The following MYO9A variants were observed in gnomAD, a reference collection of about 807,000 sequenced individuals.
The protein encoded by MYO9A is myosin IXA, also known as unconventional myosin-IXa.
A neutral mutation model predicts 293.3 loss-of-function variants in MYO9A; 103 were observed. The observed-to-expected ratio is 0.35, with a 90% CI of 0.30 to 0.41. The LOEUF (loss-of-function observed/expected upper bound fraction) is 0.41. Ranked by LOEUF, MYO9A falls within the 10% of genes least tolerant of loss-of-function variation. The probability of loss-of-function intolerance (pLI) is 1.00; values close to 1 mark genes in which losing one functional copy is unlikely to be tolerated. For synonymous variants in MYO9A, 1,001 were observed against 1,035.7 expected, an observed-to-expected ratio of 0.97 and a Z score of 0.64; for missense variants, 2,685 against 3,033.0, an observed-to-expected ratio of 0.89 and a Z score of 2.69.
intron 40 of MYO9A, among the ~76,000 whole-genome samples, chr15:71,829,522 G>T (rs1218482196): frequency 6.6e-6 from 1 of 151,158 alleles, no homozygotes; most frequent in Non-Finnish European, 1.5e-5. Context: ...CTTCTCATTT[G>T]TCTCTCTCCT....
chr15:71,851,175 A>G (rs1296535190), intron 37 of MYO9A, 78 bp downstream of exon 37: 1 of 1,147,094 alleles, frequency 8.7e-7, no homozygotes, highest in Non-Finnish European at 1.3e-6. Flanking sequence ...TCAGTCTTCC[A>G]AATGGAGAAA....
chr15:71,922,242 G>A (rs552753158), intron 18 of MYO9A, among the ~76,000 whole-genome samples: 10 of 152,330 alleles, frequency 6.6e-5, no homozygotes, highest in South Asian at 2.1e-4. Flanking sequence ...GCCTCCCACA[G>A]TGCTGGGATT....
chr15:71,850,162 G>A lies in MYO9A; in HGVS notation c.6587C>T (p.Ala2196Val). 6 of 1,613,936 alleles carry A rather than the reference G, an allele frequency of 3.7e-6. No homozygotes were observed. The highest frequency in any genetic ancestry group is 4.2e-6 in the Non-Finnish European group (5 of 1,179,896). Residue 2196 changes from alanine to valine, a missense_variant, in exon 38 of 42, where the codon GCT becomes GTT. Ala to Val is a moderately conservative substitution (Grantham distance 64, BLOSUM62 0). Around this residue, in one of 10 missense-constraint regions of MYO9A, gnomAD observed 238 missense variants for 269.1 expected, o/e 0.88. Coordinates refer to ENST00000356056, the MANE Select transcript of MYO9A (RefSeq NM_006901.4). ...CATTCGATTAGTGTCTTCCTGCAGA[G>A]CAATCCTAAGAATTAAAACAAAACA... ...ERLIFHLVRI[A>V]LQEDTNRMSA...
chr15:72,103,629 A>G (rs2080468357), intron 1 of MYO9A, among the ~76,000 whole-genome samples: 1 of 44,282 alleles, frequency 2.3e-5, no homozygotes, highest in Admixed American at 3.4e-4. Flanking sequence ...GAAGAAGCAG[A>G]AGAAGAAACA....
chr15:71,899,958 C>A lies in MYO9A; in HGVS notation c.3199G>T (p.Val1067Leu). The change falls in exon 24 of 42, where the codon GTG becomes TTG. Residue 1067 changes from valine to leucine, a missense_variant. Coordinates refer to ENST00000356056, the MANE Select transcript of MYO9A (RefSeq NM_006901.4). ...LNQKQVRDAA[V>L]QKDAFVMASA... The stretch of plus-strand genomic sequence containing the variant: ...GCCATAACAAAAGCATCCTTCTGCA[C>A]AGCTGCATCTCTGACTTGCTTCTGA... 1 of 1,613,680 alleles carries A rather than the reference C, an allele frequency of 6.2e-7. No individual in the cohort carries two copies. The highest frequency in any genetic ancestry group is 8.5e-7 in the Non-Finnish European group (1 of 1,179,664).
chr15:71,930,506 G>A (rs1423997704), intron 18 of MYO9A, among the ~76,000 whole-genome samples: 3 of 149,256 alleles, frequency 2.0e-5, no homozygotes, highest in Non-Finnish European at 3.0e-5. Context: ...CTGTTATAAG[G>A]ATAACTACTG....
rs772692095 is a variant in MYO9A at position 71,826,828 on chromosome 15, C to T, written c.7399G>A (p.Glu2467Lys). Reference protein sequence around the residue: ...SPFYRAASGNEALGMEGPLGQ... With the variant: ...SPFYRAASGNKALGMEGPLGQ... The stretch of plus-strand genomic sequence containing the variant: ...AATGGTCCTTCCATTCCCAGGGCCT[C>T]ATTACCTGAGGCAGCTCGGTAGAAT... Residue 2467 changes from glutamate (E) to lysine (K), a missense_variant, in exon 42 of 42, where the codon GAG (glutamate) becomes AAG (lysine). Glu to Lys is a moderately conservative substitution (Grantham distance 56). Coordinates refer to ENST00000356056, the MANE Select transcript of MYO9A (RefSeq NM_006901.4). 3.7e-6 allele frequency: 6 copies of T among 1,614,136 alleles called. No homozygotes were observed. The South Asian group carries it at 6.6e-5, about 18-fold the overall frequency.
intron 15 of MYO9A, 43 bp from the exon 16 acceptor site, chr15:71,938,970 GAA>G: frequency 7.0e-7 from 1 of 1,434,730 alleles, no homozygotes; most frequent in South Asian, 1.2e-5. Context: ...TCAGTGCAAA[GAA>G]AAATGAAACG....
intron 14 of MYO9A, chr15:71,959,045 A>G (rs953764859): frequency 2.0e-5 from 3 of 152,078 alleles, no homozygotes; most frequent in Non-Finnish European, 4.4e-5. Context: ...AAGCATCTTA[A>G]AGAAAAAAAA....
At chr15:71,891,269 A>G (rs1200259140) in intron 26 of MYO9A, 1 of 152,254 alleles carries the variant, frequency 6.6e-6, no homozygotes, top group Non-Finnish European at 1.5e-5. Flanking sequence ...ACCGTCAAGC[A>G]GGTGAACAGA....
Position 71,898,248 on chromosome 15 carries a change from T to C in MYO9A, c.4255A>G (p.Thr1419Ala), listed in dbSNP as rs767180956. Reference protein sequence around the residue: ...KDSFISNSLPTFFYIPQQDPL... With the variant: ...KDSFISNSLPAFFYIPQQDPL... The stretch of plus-strand genomic sequence containing the variant: ...TCTTGTTGGGGGATATAAAAAAAAG[T>C]AGGTAGACTATTTGAAATGAAGGAG... The change falls in exon 25 of 42, where the codon ACT becomes GCT. Residue 1419 changes from threonine (T) to alanine (A), a missense_variant. This residue lies in a region of MYO9A where 1,434 missense variants were observed against 1,497.7 expected (regional missense o/e 0.96). Transcript: ENST00000356056. 2 of 1,614,134 alleles carry C rather than the reference T, an allele frequency of 1.2e-6. No homozygotes were observed. Among genetic ancestry groups the C allele is most frequent in the African/African-American group, 2.7e-5 (2 of 75,058 alleles).
intron 10 of MYO9A, 141 bp from the exon 11 acceptor site, chr15:71,991,378 T>A: frequency 1.9e-6 from 1 of 535,572 alleles, no homozygotes; most frequent in East Asian, 3.3e-5. Flanking sequence ...TCAAAACATA[T>A]CATGACTTAA....
At chr15:72,048,621 A>T (rs760101051) in intron 1 of MYO9A, among the ~76,000 whole-genome samples, 15 of 152,084 alleles carry the variant, frequency 9.9e-5, no homozygotes, top group Non-Finnish European at 1.3e-4. Flanking sequence ...ACCTCTGTTA[A>T]TTACTACAGT....
chr15:72,059,299 T>A (rs898562720), intron 1 of MYO9A, among the ~76,000 whole-genome samples: 3 of 152,202 alleles, frequency 2.0e-5, no homozygotes, highest in Non-Finnish European at 2.9e-5. Context: ...TGTTAAGCTA[T>A]CTGAAAAATA....
At chr15:71,851,454 G>T in intron 36 of MYO9A, 96 bp from the exon 37 acceptor site, 1 of 873,150 alleles carries the variant, frequency 1.1e-6, no homozygotes. Context: ...GCTGGCTACA[G>T]AGTTTTAGGA....
chr15:72,058,223 T>A (rs1438096156), intron 1 of MYO9A, among the ~76,000 whole-genome samples: 1 of 152,166 alleles, frequency 6.6e-6, no homozygotes, highest in African/African-American at 2.4e-5. Flanking sequence ...TGCAGAAATA[T>A]GGAAAAGAAT....
rs747138214 is a variant in MYO9A at position 71,897,555 on chromosome 15, T to C, written c.4948A>G (p.Thr1650Ala). 3 of 1,614,046 alleles carry C rather than the reference T, an allele frequency of 1.9e-6. No individual in the cohort carries two copies. The African/African-American group carries it at 4.0e-5, about 22-fold the overall frequency. ...TCAGAATTGTGGCTGTAAGACTGAG[T>C]TGGCCTAAAGTGTTCTCTTTTTGAA... ...RISKREHFRP[T>A]QSYSHNSDDL... Residue 1650 changes from threonine (T) to alanine (A), a missense_variant, in exon 25 of 42, where the codon ACT becomes GCT. By Grantham distance (58) the Thr-to-Ala change is moderately conservative. Transcript: ENST00000356056.
At chr15:72,101,359 G>A (rs1023552451) in intron 1 of MYO9A, among the ~76,000 whole-genome samples, 12 of 144,338 alleles carry the variant, frequency 8.3e-5, no homozygotes, top group South Asian at 4.4e-4. Flanking sequence ...CCTCCCGCCC[G>A]GCCAGCCGCC....
In MYO9A at chr15:72,046,261, C is replaced by T. The variant is rs780947548; in HGVS notation, c.303G>A (p.Glu101=). The T allele has an allele frequency of 7.4e-6, 12 of 1,613,862 alleles. No individual in the cohort carries two copies. Among genetic ancestry groups the T allele is most frequent in the South Asian group, 3.3e-5 (3 of 91,088 alleles). ...TCTCTCTCAGAAGGAAGCGGTAGTC[C>T]TCTCCACTTAAGCGATTTTCCAGAG... is the stretch of plus-strand genomic sequence containing the variant. ...RMALENRLSG[E]DYRFLLREKN... Residue 101 remains glutamate, a synonymous_variant, in exon 2 of 42, where the codon GAG becomes GAA. Transcript: ENST00000356056.
Sources: allele counts gnomAD v4.1 joint callset (sites outside exome capture counted in the v4.1 genomes callset), GRCh38; gene constraint gnomAD v4.1.1; regional missense constraint gnomAD v4.1.1; transcripts MANE v1.5; gene names NCBI Gene and HGNC (gene_info 2026-07-23, HGNC 2026-07-21).